Variants in KCNQ3 observed in about 807,000 individuals in gnomAD.
KCNQ3 encodes the protein potassium voltage-gated channel subfamily KQT member 3.
A neutral mutation model predicts 92.5 loss-of-function variants in KCNQ3; 30 were observed. The ratio of observed to expected loss-of-function variants is 0.32; its 90% confidence interval spans 0.24 to 0.44. KCNQ3 has a LOEUF of 0.44. Ranked by LOEUF, KCNQ3 falls within the 20% of genes least tolerant of loss-of-function variation. KCNQ3 has a pLI of 1.00. For synonymous variants in KCNQ3, 450 were observed against 468.8 expected, an observed-to-expected ratio of 0.96 and a Z score of 0.52; for missense variants, 913 against 1,140.3, an observed-to-expected ratio of 0.80 and a Z score of 2.87.
At chr8:132,242,707 A>G (rs1815034767) in intron 1 of KCNQ3, among the ~76,000 whole-genome samples, 1 of 152,262 alleles carries the variant, frequency 6.6e-6, no homozygotes, top group South Asian at 2.1e-4. Context: ...AGTAGGTACC[A>G]AATGAATATT....
At chr8:132,435,484 G>C (rs1267640386) in intron 1 of KCNQ3, among the ~76,000 whole-genome samples, 3 of 152,108 alleles carry the variant, frequency 2.0e-5, no homozygotes, top group Non-Finnish European at 2.9e-5. Flanking sequence ...CCATCTGTGC[G>C]ACCTTAACCT....
intron 1 of KCNQ3, among the ~76,000 whole-genome samples, chr8:132,254,732 A>G (rs781311177): frequency 4.6e-5 from 7 of 152,132 alleles, no homozygotes; most frequent in African/African-American, 1.7e-4. Context: ...TACAAAAATT[A>G]GCTGGGCGTG....
chr8:132,332,490 C>T (rs1287481472), intron 1 of KCNQ3, among the ~76,000 whole-genome samples: 3 of 152,220 alleles, frequency 2.0e-5, no homozygotes, highest in African/African-American at 7.2e-5. Context: ...TCCAGGAACA[C>T]ACAGAGATGA....
intron 1 of KCNQ3, among the ~76,000 whole-genome samples, chr8:132,372,858 C>T (rs759599805): frequency 2.6e-4 from 40 of 151,612 alleles, no homozygotes; most frequent in Non-Finnish European, 5.0e-4. Context: ...GCTCATGGGC[C>T]GGTTGTGAAT....
intron 9 of KCNQ3, among the ~76,000 whole-genome samples, chr8:132,149,486 TACA>T (rs750187340): frequency 3.9e-5 from 6 of 152,236 alleles, no homozygotes; most frequent in Non-Finnish European, 7.3e-5. Flanking sequence ...GGTTTCTTCC[TACA>T]ACATTTTTTT....
rs1824689356 is a variant in KCNQ3 at position 132,126,934 on chromosome 8, A to G, written c.*2328T>C. 1 of 152,204 alleles carries G rather than the reference A, an allele frequency of 6.6e-6. No homozygotes were observed. The highest frequency in any genetic ancestry group is 1.5e-5 in the Non-Finnish European group (1 of 68,042). 9.4% of individuals were successfully genotyped at this position (152,204 alleles called of 1,614,324 possible). On this transcript the variant is annotated 3_prime_UTR_variant, in exon 15 of 15. Coordinates refer to ENST00000388996, the MANE Select transcript of KCNQ3 (RefSeq NM_004519.4). The stretch of plus-strand genomic sequence containing the variant: ...AGTAAGTTAAAAAATTAATTGGCGC[A>G]TATGTGGAGAGTATGACTCACTCTC...
chr8:132,326,216 C>T (rs896636413), intron 1 of KCNQ3, among the ~76,000 whole-genome samples: 42 of 152,130 alleles, frequency 2.8e-4, no homozygotes, highest in Non-Finnish European at 3.4e-4. Flanking sequence ...GCGTGACATA[C>T]AAAACCACTT....
At chr8:132,307,876 T>A (rs7837646) in intron 1 of KCNQ3, among the ~76,000 whole-genome samples, 1 of 151,550 alleles carries the variant, frequency 6.6e-6, no homozygotes, top group Non-Finnish European at 1.5e-5. Context: ...GTCGGGGAGT[T>A]GCACAGCTCC....
chr8:132,384,236 T>C (rs1563888877), intron 1 of KCNQ3, among the ~76,000 whole-genome samples: 1 of 152,214 alleles, frequency 6.6e-6, no homozygotes, highest in Non-Finnish European at 1.5e-5. Flanking sequence ...TGAGCTGCTA[T>C]AGCTCTTATT....
rs1326427779 is a variant in KCNQ3 at position 132,129,541 on chromosome 8, A to G, written c.2340T>C (p.Arg780=). Residue 780 remains arginine, a synonymous_variant, in exon 15 of 15, where the codon CGT becomes CGC. Coordinates refer to ENST00000388996, the MANE Select transcript of KCNQ3 (RefSeq NM_004519.4). This position sits in a 1 kb window ranked among gnomAD's most constrained non-coding sequence, Gnocchi z 5.9. Reference sequence around the variant, plus strand: ...GTGTGTCACTGTCTCGCGTGATGCTACGTCTCTGCCGGGGGGAGATTCGGT... The same window carrying G: ...GTGTGTCACTGTCTCGCGTGATGCTGCGTCTCTGCCGGGGGGAGATTCGGT... ...YSDRISPRQR[R]SITRDSDTPL... The G allele has an allele frequency of 1.9e-6, 3 of 1,614,002 alleles. No homozygotes were observed. The African/African-American group carries it at 4.0e-5, about 22-fold the overall frequency.
intron 1 of KCNQ3, among the ~76,000 whole-genome samples, chr8:132,409,079 CAA>C (rs1409785101): frequency 1.3e-5 from 2 of 152,174 alleles, no homozygotes; most frequent in Non-Finnish European, 2.9e-5. Context: ...AGTAAAATCT[CAA>C]AGAGTCCTTT....
In KCNQ3 at chr8:132,236,950, C is replaced by T. The variant is rs145581649; in HGVS notation, c.387-50769G>A. ...CAGCAAGGAAACAGAGACCTCAGTC[C>T]TACAACCACAAAGAACTGAATTCTG... On this transcript the variant is annotated intron_variant, in intron 1 of 14. Coordinates refer to ENST00000388996, the MANE Select transcript of KCNQ3 (RefSeq NM_004519.4). 4.2e-3 allele frequency among the ~76,000 whole-genome samples: 641 copies of T among 152,276 alleles called. 2 individuals are homozygous for T. The highest frequency in any genetic ancestry group is 0.015 in the African/African-American group (612 of 41,552).
intron 1 of KCNQ3, among the ~76,000 whole-genome samples, chr8:132,459,767 C>T (rs1461602450): frequency 7.3e-5 from 11 of 149,946 alleles, no homozygotes; most frequent in Admixed American, 1.3e-4. Flanking sequence ...CCTTTTCATA[C>T]CCTTTGGAAG....
intron 3 of KCNQ3, among the ~76,000 whole-genome samples, chr8:132,182,121 TCCAGGTGTACCTAGCCTTTGGAAAAAC>T (rs1356696152): frequency 6.6e-6 from 1 of 151,598 alleles, no homozygotes; most frequent in African/African-American, 2.4e-5. Context: ...TAAAGTGTCC[TCCAGGTGTACCTAGCCTTTGGAAAAAC>T]CTGGGGGTCA....
intron 1 of KCNQ3, among the ~76,000 whole-genome samples, chr8:132,385,479 G>A (rs1247430110): frequency 6.6e-6 from 1 of 152,124 alleles, no homozygotes; most frequent in Non-Finnish European, 1.5e-5. Flanking sequence ...CCAATCCAAG[G>A]CCATTAGGTC....
chr8:132,249,875 C>T (rs1336125498), intron 1 of KCNQ3, among the ~76,000 whole-genome samples: 2 of 152,178 alleles, frequency 1.3e-5, no homozygotes, highest in Non-Finnish European at 2.9e-5. Flanking sequence ...GGACCCAGTG[C>T]ACCCTCCGCA....
intron 1 of KCNQ3, among the ~76,000 whole-genome samples, chr8:132,274,616 A>C (rs1183308595): frequency 6.6e-6 from 1 of 152,120 alleles, no homozygotes; most frequent in African/African-American, 2.4e-5. Flanking sequence ...TCCATGTTAT[A>C]TTTCATTCAT....
At chr8:132,330,396 A>G (rs1324641263) in intron 1 of KCNQ3, among the ~76,000 whole-genome samples, 2 of 152,160 alleles carry the variant, frequency 1.3e-5, no homozygotes, top group African/African-American at 4.8e-5. Flanking sequence ...CTTAGTTTAA[A>G]TGCCATTTGC....
At chr8:132,400,575 A>G (rs899218553) in intron 1 of KCNQ3, among the ~76,000 whole-genome samples, 1 of 152,162 alleles carries the variant, frequency 6.6e-6, no homozygotes, top group Non-Finnish European at 1.5e-5. Flanking sequence ...CGACCCCCAC[A>G]CCAGATCCAG....
Sources: gnomAD v4.1 joint callset for allele counts (sites outside exome capture counted in the v4.1 genomes callset) on GRCh38, gnomAD v4.1.1 for gene constraint, Gnocchi (gnomAD v3.1) non-coding constraint, MANE v1.5 for transcripts, NCBI Gene and HGNC (gene_info 2026-07-23, HGNC 2026-07-21) for gene names.